Variants in RBFOX1 observed in about 807,000 individuals in gnomAD.
The protein encoded by RBFOX1 is RNA binding fox-1 homolog 1.
In RBFOX1, 8 loss-of-function variants were observed where a neutral mutation model predicts 57.7. The ratio of observed to expected loss-of-function variants is 0.14; its 90% CI spans 0.08 to 0.25. RBFOX1 has a LOEUF of 0.25. RBFOX1 is among the 10% of genes least tolerant of loss of function. RBFOX1 has a pLI of 1.00. For missense variants in RBFOX1, 611 were observed against 548.5 expected (o/e 1.11, Z -1.14); for synonymous variants, 326 against 222.4 (o/e 1.47, Z -4.15).
intron 3 of RBFOX1, among the ~76,000 whole-genome samples, chr16:6,967,546 G>T (rs1006274171): frequency 6.6e-6 from 1 of 152,066 alleles, no homozygotes; most frequent in African/African-American, 2.4e-5. Flanking sequence ...AGACTGACTT[G>T]CTTATGTGTT....
chr16:7,221,339 A>T (rs1010794046), intron 4 of RBFOX1, among the ~76,000 whole-genome samples: 11 of 132,154 alleles, frequency 8.3e-5, no homozygotes, highest in African/African-American at 2.6e-4. Context: ...CTTTATTTTT[A>T]TTTGATTATT....
intron 4 of RBFOX1, among the ~76,000 whole-genome samples, chr16:7,420,097 T>C (rs534219073): frequency 2.5e-4 from 38 of 152,170 alleles, no homozygotes; most frequent in Admixed American, 8.5e-4. Flanking sequence ...TCAGCCTTCC[T>C]GTTCAGCGTT....
At chr16:6,914,451 C>T (rs966133645) in intron 3 of RBFOX1, among the ~76,000 whole-genome samples, 3 of 151,888 alleles carry the variant, frequency 2.0e-5, no homozygotes, top group African/African-American at 4.8e-5. Context: ...GGTACTTTTG[C>T]ATTAATAAGA....
At chr16:7,678,271 A>T (rs2073898114) in intron 14 of RBFOX1, among the ~76,000 whole-genome samples, 1 of 152,180 alleles carries the variant, frequency 6.6e-6, no homozygotes, top group South Asian at 2.1e-4. Context: ...AATGTGTTTC[A>T]TGTAAGTTGT....
intron 2 of RBFOX1, among the ~76,000 whole-genome samples, chr16:6,613,220 G>A (rs893321072): frequency 6.6e-6 from 1 of 152,040 alleles, no homozygotes; most frequent in African/African-American, 2.4e-5. Flanking sequence ...CTCCCCCACT[G>A]TGCACTTCCC....
intron 2 of RBFOX1, among the ~76,000 whole-genome samples, chr16:5,596,029 C>T (rs774962121): frequency 3.3e-5 from 5 of 152,210 alleles, no homozygotes; most frequent in South Asian, 2.1e-4. Context: ...CACGGAAGTG[C>T]GGCACAATGA....
At chr16:6,204,641 TAC>T (rs1459642209) in intron 1 of RBFOX1, among the ~76,000 whole-genome samples, 2 of 152,172 alleles carry the variant, frequency 1.3e-5, no homozygotes, top group Non-Finnish European at 2.9e-5. Flanking sequence ...TAGGCACATA[TAC>T]AGTGTCCTTA....
chr16:6,624,825 C>T (rs1232315859), intron 2 of RBFOX1, among the ~76,000 whole-genome samples: 2 of 151,930 alleles, frequency 1.3e-5, no homozygotes, highest in South Asian at 2.1e-4. Context: ...TAGCACATAC[C>T]ATGTATAACC....
chr16:7,081,216 G>A (rs921782303), intron 4 of RBFOX1, among the ~76,000 whole-genome samples: 4 of 152,194 alleles, frequency 2.6e-5, no homozygotes, highest in Non-Finnish European at 4.4e-5. Context: ...TGTATTTTTA[G>A]TGGAGGCAGG....
chr16:6,575,743 G>A (rs890338730), intron 2 of RBFOX1, among the ~76,000 whole-genome samples: 2 of 151,716 alleles, frequency 1.3e-5, no homozygotes, highest in Admixed American at 6.6e-5. Flanking sequence ...TGTAATCCCA[G>A]GTACTCGGGA....
chr16:7,676,802 A>T lies in RBFOX1; in HGVS notation c.959A>T (p.Gln320Leu), dbSNP rs1338713162. 1 of 1,613,208 alleles carries T rather than the reference A, an allele frequency of 6.2e-7. No individual in the cohort carries two copies. Among genetic ancestry groups the T allele is most frequent in the Non-Finnish European group, 8.5e-7 (1 of 1,179,492 alleles). ...YGGYAAYRYA[Q>L]PTPATAAAYS... ...GGTTATGCTGCATACCGCTACGCCC[A>T]GCCTACCCCTGCCACTGCCGCTGCC... Residue 320 changes from glutamine to leucine, a missense_variant, in exon 14 of 16, where the codon CAG becomes CTG. Around this residue, in one of 3 missense-constraint regions of RBFOX1, gnomAD observed 267 missense variants for 229.1 expected, o/e 1.17. Transcript: ENST00000550418.
chr16:7,684,568 A>G (rs2075647669), intron 14 of RBFOX1, among the ~76,000 whole-genome samples: 1 of 152,014 alleles, frequency 6.6e-6, no homozygotes, highest in African/African-American at 2.4e-5. Context: ...AATATGCCAC[A>G]CATATGATAA....
At chr16:6,918,357 C>A (rs111907881) in intron 3 of RBFOX1, among the ~76,000 whole-genome samples, 2 of 151,820 alleles carry the variant, frequency 1.3e-5, no homozygotes, top group Non-Finnish European at 2.9e-5. Flanking sequence ...GGGCTTGGTG[C>A]CATTGTTTAT....
intron 3 of RBFOX1, among the ~76,000 whole-genome samples, chr16:5,658,323 C>T (rs973340635): frequency 3.9e-5 from 6 of 152,150 alleles, no homozygotes. Context: ...CTCCTCGTTG[C>T]AGTCCAAGTT....
chr16:6,697,507 T>C (rs1568260240), intron 3 of RBFOX1, among the ~76,000 whole-genome samples: 1 of 152,170 alleles, frequency 6.6e-6, no homozygotes, highest in African/African-American at 2.4e-5. Context: ...GAATCTAATA[T>C]CTCCTTATAA....
chr16:6,362,629 C>T (rs2152872598), intron 2 of RBFOX1, among the ~76,000 whole-genome samples: 1 of 152,320 alleles, frequency 6.6e-6, no homozygotes, highest in Non-Finnish European at 1.5e-5. Flanking sequence ...AAATGGATGG[C>T]TTCATAGACT....
chr16:7,163,221 T>G (rs1459902803), intron 4 of RBFOX1, among the ~76,000 whole-genome samples: 1 of 151,800 alleles, frequency 6.6e-6, no homozygotes, highest in Non-Finnish European at 1.5e-5. Flanking sequence ...GCAGGGGGAG[T>G]CTACTGGCCA....
chr16:5,543,902 C>T (rs976573527), intron 2 of RBFOX1, among the ~76,000 whole-genome samples: 15 of 152,082 alleles, frequency 9.9e-5, no homozygotes, highest in Non-Finnish European at 1.0e-4. Context: ...AAAATAAAAA[C>T]ACTAATGTAA....
chr16:7,055,342 G>A (rs186484027), intron 4 of RBFOX1, among the ~76,000 whole-genome samples: 3 of 152,190 alleles, frequency 2.0e-5, no homozygotes, highest in Admixed American at 2.0e-4. Context: ...TAAGAGTTAT[G>A]GAAAAGCTAA....
Sources: allele counts gnomAD v4.1 joint callset (sites outside exome capture counted in the v4.1 genomes callset), GRCh38; gene constraint gnomAD v4.1.1; regional missense constraint gnomAD v4.1.1; transcripts MANE v1.5; gene names NCBI Gene and HGNC (gene_info 2026-07-23, HGNC 2026-07-21).